Variants in CDH12 observed in about 807,000 individuals in gnomAD.
CDH12 encodes cadherin-12.
A neutral mutation model predicts 74.1 loss-of-function variants in CDH12; 41 were observed. That is an observed-to-expected ratio of 0.55 (90% CI 0.43 to 0.72). The LOEUF is 0.72. CDH12 is among the 30% of genes least tolerant of loss of function. CDH12 has a pLI of 0.00. For synonymous variants in CDH12, 399 were observed against 355.0 expected (o/e 1.12, Z -1.39); for missense variants, 945 against 977.2 (o/e 0.97, Z 0.44).
intron 1 of CDH12, among the ~76,000 whole-genome samples, chr5:22,670,677 C>G (rs985616818): frequency 2.6e-5 from 4 of 151,816 alleles, no homozygotes; most frequent in Non-Finnish European, 4.4e-5. Context: ...TAAGTATTTC[C>G]TTGGTATAAA....
At chr5:22,601,800 G>C (rs1267614105) in intron 1 of CDH12, among the ~76,000 whole-genome samples, 3 of 151,996 alleles carry the variant, frequency 2.0e-5, no homozygotes, top group Non-Finnish European at 2.9e-5. Flanking sequence ...AACAAGGATG[G>C]GGTGCAAATG....
At chr5:22,376,558 G>A (rs569981742) in intron 3 of CDH12, among the ~76,000 whole-genome samples, 3 of 151,988 alleles carry the variant, frequency 2.0e-5, no homozygotes, top group Non-Finnish European at 4.4e-5. Context: ...TTGAGACAGG[G>A]TCTCACTCTG....
At chr5:22,760,167 C>A (rs1746131729) in intron 1 of CDH12, among the ~76,000 whole-genome samples, 1 of 152,148 alleles carries the variant, frequency 6.6e-6, no homozygotes, top group Non-Finnish European at 1.5e-5. Context: ...ACTGGAACAA[C>A]AATTTTTCTG....
chr5:22,027,991 T>C (rs1738502570), intron 5 of CDH12, among the ~76,000 whole-genome samples: 1 of 152,156 alleles, frequency 6.6e-6, no homozygotes, highest in Non-Finnish European at 1.5e-5. Context: ...TTTGAATGTG[T>C]CCCAGAGATT....
chr5:22,666,189 C>T (rs1740603492), intron 1 of CDH12, among the ~76,000 whole-genome samples: 1 of 151,944 alleles, frequency 6.6e-6, no homozygotes, highest in African/African-American at 2.4e-5. Flanking sequence ...AATTTGAACA[C>T]CCTTTTTTAA....
At chr5:22,119,624 G>A (rs1348969021) in intron 4 of CDH12, among the ~76,000 whole-genome samples, 1 of 151,976 alleles carries the variant, frequency 6.6e-6, no homozygotes, top group Admixed American at 6.6e-5. Flanking sequence ...TGGAAGGAAG[G>A]GTTGACATTT....
At chr5:22,208,648 C>T (rs1458767631) in intron 4 of CDH12, among the ~76,000 whole-genome samples, 2 of 152,126 alleles carry the variant, frequency 1.3e-5, no homozygotes, top group Non-Finnish European at 2.9e-5. Context: ...CATGGTTCTC[C>T]TGGAAGGCCA....
At chr5:21,877,575 G>A (rs1361114261) in intron 6 of CDH12, among the ~76,000 whole-genome samples, 3 of 152,138 alleles carry the variant, frequency 2.0e-5, no homozygotes, top group Non-Finnish European at 4.4e-5. Flanking sequence ...TCAAGCCTTT[G>A]GATCTCTTGA....
intron 4 of CDH12, among the ~76,000 whole-genome samples, chr5:22,108,873 C>A (rs1744656326): frequency 6.6e-6 from 1 of 151,886 alleles, no homozygotes; most frequent in African/African-American, 2.4e-5. Context: ...TCAGCAACCC[C>A]CATTAGAAAA....
At position 21,780,165 on chromosome 5, in the gene CDH12, C is replaced by T. The variant is rs1009746588; in HGVS notation, c.1393+3193G>A. 1.6e-4 allele frequency among the ~76,000 whole-genome samples: 24 copies of T among 152,282 alleles called. 1 individual carries two copies. Among genetic ancestry groups the T allele is most frequent in the African/African-American group, 5.3e-4 (22 of 41,552 alleles). On this transcript the variant is annotated intron_variant, in intron 11 of 14. Coordinates refer to ENST00000382254, the MANE Select transcript of CDH12 (RefSeq NM_004061.5). ...GCAACATAACTTATTAGCCTCCATA[C>T]CCTGTGGATTCCTGATTTTCATTTA...
intron 1 of CDH12, among the ~76,000 whole-genome samples, chr5:22,752,580 T>C (rs1479049210): frequency 1.1e-4 from 2 of 17,610 alleles, no homozygotes; most frequent in East Asian, 7.4e-3. Context: ...TTTTCTTTTT[T>C]TTTTTTTTTG....
chr5:21,957,566 G>T (rs1756158412), intron 6 of CDH12, among the ~76,000 whole-genome samples: 1 of 152,058 alleles, frequency 6.6e-6, no homozygotes, highest in Non-Finnish European at 1.5e-5. Context: ...TCCACAACCT[G>T]CCAGCATCTG....
intron 1 of CDH12, among the ~76,000 whole-genome samples, chr5:22,717,455 C>T (rs1338352708): frequency 6.6e-6 from 1 of 152,090 alleles, no homozygotes; most frequent in East Asian, 1.9e-4. Context: ...CTTTGATGTT[C>T]AGTCAATGAC....
chr5:22,780,937 C>T (rs1747357796), intron 1 of CDH12, among the ~76,000 whole-genome samples: 1 of 152,142 alleles, frequency 6.6e-6, no homozygotes, highest in Admixed American at 6.6e-5. Context: ...ACAATCATTA[C>T]TGACACAATA....
At chr5:22,540,047 T>C (rs1029926113) in intron 1 of CDH12, among the ~76,000 whole-genome samples, 1 of 152,204 alleles carries the variant, frequency 6.6e-6, no homozygotes, top group Non-Finnish European at 1.5e-5. Context: ...CTGTGATTTC[T>C]TGTTTTTAAG....
chr5:21,754,729 A>G (rs550286200), intron 14 of CDH12, among the ~76,000 whole-genome samples: 71 of 152,298 alleles, frequency 4.7e-4, no homozygotes, highest in Admixed American at 9.2e-4. Context: ...TTGGTTAAAC[A>G]GTAAATATGC....
At chr5:22,362,523 T>C (rs1381272577) in intron 3 of CDH12, among the ~76,000 whole-genome samples, 8 of 152,220 alleles carry the variant, frequency 5.3e-5, no homozygotes, top group South Asian at 2.1e-4. Context: ...GACAGTGTGG[T>C]GATTCCTCAG....
At chr5:22,683,859 C>T (rs1396443725) in intron 1 of CDH12, among the ~76,000 whole-genome samples, 1 of 152,200 alleles carries the variant, frequency 6.6e-6, no homozygotes, top group African/African-American at 2.4e-5. Context: ...TGAGGCAGGG[C>T]ATAGACATCA....
chr5:21,908,297 G>C (rs7736397), intron 6 of CDH12, among the ~76,000 whole-genome samples: 145,514 of 152,250 alleles, frequency 0.96, 69,756 homozygotes, highest in East Asian at 1. Context: ...CTGCAATCGT[G>C]AGGACAATGT....
Sources: allele counts gnomAD v4.1 joint callset (sites outside exome capture counted in the v4.1 genomes callset), GRCh38; gene constraint gnomAD v4.1.1; transcripts MANE v1.5; gene names NCBI Gene and HGNC (gene_info 2026-07-23, HGNC 2026-07-21).